ANXA11: variants seen among roughly 807,000 people sequenced by gnomAD.
ANXA11 encodes 56 kDa autoantigen.
Under a neutral mutation model 64.7 loss-of-function variants are expected in ANXA11, and 57 were observed. The observed-to-expected ratio is 0.88, with a 90% CI of 0.71 to 1.10. ANXA11 has a LOEUF of 1.10. Among genes scored for constraint, ANXA11 ranks in the 50% least tolerant of loss-of-function variants. The pLI is 0.00. For missense variants in ANXA11, 675 were observed against 670.7 expected (o/e 1.01, Z -0.07); for synonymous variants, 260 against 265.2 (o/e 0.98, Z 0.19).
chr10:80,156,618 A>G, intron 15 of ANXA11: 1 of 355,092 alleles, frequency 2.8e-6, no homozygotes, highest in Non-Finnish European at 5.6e-6. Flanking sequence ...GGTTCAAGCA[A>G]TTCTCCTGCC....
chr10:80,179,715 C>T (rs1239528523), intron 1 of ANXA11, among the ~76,000 whole-genome samples: 1 of 152,178 alleles, frequency 6.6e-6, no homozygotes, highest in Non-Finnish European at 1.5e-5. Context: ...GATCAAGGCC[C>T]TTTGTTCTGC....
rs964708003 is a variant in ANXA11, at chr10:80,162,020, A to G, written c.1095T>C (p.Tyr365=). ...SLAQRDAQEL[Y]AAGENRLGTD... ...TTCCCAGGCGGTTCTCCCCGGCCGC[A>G]TACAGCTCCTGGAGAGAGAGGAAGA... is the stretch of plus-strand genomic sequence containing the variant. The change falls in exon 12 of 16, where the codon TAT becomes TAC. Residue 365 remains tyrosine (Y), a synonymous_variant. Transcript: ENST00000422982. The G allele has an allele frequency of 7.4e-6, 12 of 1,610,976 alleles. No individual in the cohort carries two copies. The highest frequency in any genetic ancestry group is 9.3e-6 in the Non-Finnish European group (11 of 1,179,610).
At position 80,161,971 on chromosome 10, in the gene ANXA11, C is replaced by T. The variant is rs1269340761; in HGVS notation, c.1144G>A (p.Val382Ile). The change falls in exon 12 of 16, where the codon GTT becomes ATT. Residue 382 changes from valine to isoleucine, a missense_variant. By Grantham distance (29) the Val-to-Ile change is conservative. Transcript: ENST00000422982. ...TGGGCCCGGCTCCGGGAGCACAGAA[C>T]CGCATTGAACTTGGACTCGTCTGTT... ...LGTDESKFNA[V>I]LCSRSRAHLV... The T allele has an allele frequency of 1.2e-6, 2 of 1,612,646 alleles. No individual in the cohort carries two copies. Among genetic ancestry groups the T allele is most frequent in the Non-Finnish European group, 8.5e-7 (1 of 1,179,810 alleles).
At chr10:80,183,164 G>C (rs929482134) in intron 1 of ANXA11, among the ~76,000 whole-genome samples, 7 of 152,224 alleles carry the variant, frequency 4.6e-5, no homozygotes, top group Non-Finnish European at 1.0e-4. Context: ...CACTGGGCAG[G>C]AGAGAGGGAG....
chr10:80,202,109 G>A (rs371329239), intron 1 of ANXA11, among the ~76,000 whole-genome samples: 60 of 148,996 alleles, frequency 4.0e-4, no homozygotes, highest in African/African-American at 1.2e-3. Flanking sequence ...ATCACCACCC[G>A]CTAACTGATC....
In ANXA11 at chr10:80,193,569, C is replaced by T. The variant is rs76387566; in HGVS notation, c.-58+11774G>A. Among the ~76,000 whole-genome samples, 1,370 of 152,150 alleles carry T rather than the reference C, an allele frequency of 9.0e-3. 21 individuals carry two copies. Among genetic ancestry groups the T allele is most frequent in the African/African-American group, 0.031 (1,296 of 41,510 alleles). On this transcript the variant is annotated intron_variant, in intron 1 of 15. Coordinates refer to ENST00000422982, the MANE Select transcript of ANXA11 (RefSeq NM_145868.2). ...GAAAGAGAACATTACTTCTGCCAGG[C>T]GCAATGGCTCACATCTGTAATCCCA...
chr10:80,196,382 C>T (rs771732030), intron 1 of ANXA11, among the ~76,000 whole-genome samples: 5 of 152,198 alleles, frequency 3.3e-5, no homozygotes, highest in Non-Finnish European at 5.9e-5. Context: ...CTGTGAGGCC[C>T]TTGACACATA....
chr10:80,167,074 C>T, intron 6 of ANXA11, 90 bp from the exon 7 acceptor site: 2 of 1,311,090 alleles, frequency 1.5e-6, no homozygotes, highest in Non-Finnish European at 2.1e-6. Flanking sequence ...CTCAACTGTT[C>T]TGGGCATGCT....
chr10:80,191,364 G>C (rs932875728), intron 1 of ANXA11, among the ~76,000 whole-genome samples: 9 of 152,076 alleles, frequency 5.9e-5, no homozygotes, highest in African/African-American at 2.2e-4. Context: ...CTCCGGCCTG[G>C]GTGACAGAGT....
At chr10:80,178,740 A>T (rs982966432) in intron 1 of ANXA11, among the ~76,000 whole-genome samples, 2 of 152,344 alleles carry the variant, frequency 1.3e-5, no homozygotes, top group East Asian at 3.9e-4. Flanking sequence ...CTCCCAGGTG[A>T]TGCTGATGCT....
chr10:80,157,513 C>A, intron 15 of ANXA11, 128 bp downstream of exon 15: 1 of 1,492,564 alleles, frequency 6.7e-7, no homozygotes, highest in Non-Finnish European at 8.9e-7. Flanking sequence ...ATGAACAAGT[C>A]CGAGGTCCAT....
At chr10:80,186,747 G>A (rs1351776960) in intron 1 of ANXA11, among the ~76,000 whole-genome samples, 5 of 152,198 alleles carry the variant, frequency 3.3e-5, no homozygotes, top group Non-Finnish European at 5.9e-5. Flanking sequence ...GAAGGGGGAT[G>A]GGGGCAAGTG....
chr10:80,191,879 G>A (rs2819946), intron 1 of ANXA11, among the ~76,000 whole-genome samples: 95,464 of 152,028 alleles, frequency 0.63, 30,891 homozygotes, highest in African/African-American at 0.78. Flanking sequence ...CACTCCCACC[G>A]ACCCCACCTC....
At chr10:80,188,435 A>T (rs1033793327) in intron 1 of ANXA11, among the ~76,000 whole-genome samples, 23 of 146,928 alleles carry the variant, frequency 1.6e-4, no homozygotes, top group Non-Finnish European at 2.2e-4. Flanking sequence ...AAAGAGGAAA[A>T]ATGCATCCAT....
chr10:80,184,438 G>A (rs1004806440), intron 1 of ANXA11, among the ~76,000 whole-genome samples: 2 of 152,162 alleles, frequency 1.3e-5, no homozygotes, highest in Non-Finnish European at 2.9e-5. Flanking sequence ...ATCAAAAGTG[G>A]AGGAGCTGGT....
intron 2 of ANXA11, 34 bp from the exon 3 acceptor site, chr10:80,172,903 G>A: frequency 1.2e-6 from 2 of 1,601,374 alleles, no homozygotes; most frequent in South Asian, 2.2e-5. Flanking sequence ...TTCAGGCTCT[G>A]CCTGAGAGCC....
chr10:80,162,533 T>C (rs1356665478), intron 11 of ANXA11, among the ~76,000 whole-genome samples: 1 of 152,240 alleles, frequency 6.6e-6, no homozygotes, highest in Non-Finnish European at 1.5e-5. Flanking sequence ...GCTCTGCTTC[T>C]AGCTTTCAGT....
At chr10:80,201,753 C>T (rs1425119918) in intron 1 of ANXA11, among the ~76,000 whole-genome samples, 2 of 152,194 alleles carry the variant, frequency 1.3e-5, no homozygotes, top group African/African-American at 2.4e-5. Flanking sequence ...CATCTGTTAT[C>T]ACCACTCCTT....
chr10:80,203,899 C>CCACTGCTACTATTTATTGACCCTTA (rs1840558332), intron 1 of ANXA11, among the ~76,000 whole-genome samples: 1 of 152,200 alleles, frequency 6.6e-6, no homozygotes, highest in Non-Finnish European at 1.5e-5. Context: ...GCTGAACCTT[C>CCACTGCTACTATTTATTGACCCTTA]CACTGCTACT....
Sources: gnomAD v4.1 joint callset for allele counts (sites outside exome capture counted in the v4.1 genomes callset) on GRCh38, gnomAD v4.1.1 for gene constraint, MANE v1.5 for transcripts, NCBI Gene and HGNC (gene_info 2026-07-23, HGNC 2026-07-21) for gene names.